Variants in PCDHGB6 observed in about 807,000 individuals in gnomAD.
PCDHGB6 encodes protocadherin gamma subfamily B, 6.
A neutral mutation model predicts 59.1 loss-of-function variants in PCDHGB6; 51 were observed. That is an observed-to-expected ratio of 0.86 (90% CI 0.69 to 1.09). PCDHGB6 has a LOEUF of 1.09. Ranked by LOEUF, PCDHGB6 falls within the 50% of genes least tolerant of loss-of-function variation. The pLI is 0.00. For synonymous variants in PCDHGB6, 466 were observed against 495.1 expected (o/e 0.94, Z 0.78); for missense variants, 1,148 against 1,205.1 (o/e 0.95, Z 0.70).
chr5:141,431,194 T>C lies in PCDHGB6; in HGVS notation c.2418+20574T>C. On this transcript the variant is annotated intron_variant, in intron 1 of 3. Coordinates refer to ENST00000520790, the MANE Select transcript of PCDHGB6 (RefSeq NM_018926.3). The surrounding 1 kb of genome is among the most constrained non-coding windows in gnomAD (Gnocchi z 4.8). ...AATTAGAAATAAAAATTAGTGAAAA[T>C]GCAGCCACTGAGATGCGGTTCCCTC... The C allele has an allele frequency of 6.2e-7, 1 of 1,614,124 alleles. No homozygotes were observed.
Position 141,408,313 on chromosome 5 carries a change from T to A in PCDHGB6, c.111T>A (p.Ile37=), listed in dbSNP as rs375849626. 1.7e-5 allele frequency: 28 copies of A among 1,613,640 alleles called. No homozygotes were observed. The highest frequency in any genetic ancestry group is 2.0e-5 in the Non-Finnish European group (24 of 1,179,736). The change falls in exon 1 of 4, where the codon ATT becomes ATA. Residue 37 remains isoleucine, a synonymous_variant. Transcript: ENST00000520790. ...TGAGTGAGCCGATCCGCTACTCGAT[T>A]CCGGAGGAGCTGGCCAAGGGCTCGG... ...PTLSEPIRYS[I]PEELAKGSVV...
At chr5:141,472,998 GAAAGAA>G (rs1489589280) in intron 1 of PCDHGB6, among the ~76,000 whole-genome samples, 8 of 134,744 alleles carry the variant, frequency 5.9e-5, no homozygotes, top group South Asian at 2.3e-4. Flanking sequence ...AAAAAAAAAA[GAAAGAA>G]AAAGAAAAAG....
rs2096205933 is a variant in PCDHGB6, at chr5:141,417,998, G to C, written c.2418+7378G>C. ...GGAGGAGCTGGCCAAGGGCTCGGTGGTGGGGAACCTCGCTAAGGATCTAGG... is the reference window on the plus strand; with the variant it reads ...GGAGGAGCTGGCCAAGGGCTCGGTGCTGGGGAACCTCGCTAAGGATCTAGG... On this transcript the variant is annotated intron_variant, in intron 1 of 3. Transcript: ENST00000520790. The C allele has an allele frequency of 1.9e-6, 3 of 1,613,928 alleles. No individual in the cohort carries two copies. The East Asian group carries it at 6.7e-5, about 36-fold the overall frequency.
intron 1 of PCDHGB6, among the ~76,000 whole-genome samples, chr5:141,451,073 C>A (rs1346074089): frequency 6.6e-6 from 1 of 151,958 alleles, no homozygotes; most frequent in Non-Finnish European, 1.5e-5. Flanking sequence ...TGTGATCCAC[C>A]CACCTTGACC....
Position 141,491,094 on chromosome 5 carries a change from G to T in PCDHGB6, c.2419-3713G>T. ...TGCCACAGTCCACAGCCCCAGGACT[G>T]TTCCTCGTGTCTACACACACTGGTG... On this transcript the variant is annotated intron_variant, in intron 1 of 3. Transcript: ENST00000520790. This position sits in a 1 kb window ranked among gnomAD's most constrained non-coding sequence, Gnocchi z 6.9. The T allele has an allele frequency of 6.2e-7, 1 of 1,614,202 alleles. No homozygotes were observed. The highest frequency in any genetic ancestry group is 1.1e-5 in the South Asian group (1 of 91,086).
At position 141,491,809 on chromosome 5, in the gene PCDHGB6, C is replaced by A. The variant is rs1421763758; in HGVS notation, c.2419-2998C>A. The A allele has an allele frequency of 6.7e-7, 1 of 1,487,044 alleles. No homozygotes were observed. The highest frequency in any genetic ancestry group is 1.4e-5 in the South Asian group (1 of 72,986). The allele number at this position is 1,487,044 out of a possible 1,614,324, so 92.1% of individuals were successfully genotyped here. On this transcript the variant is annotated intron_variant, in intron 1 of 3. Coordinates refer to ENST00000520790, the MANE Select transcript of PCDHGB6 (RefSeq NM_018926.3). This position sits in a 1 kb window ranked among gnomAD's most constrained non-coding sequence, Gnocchi z 6.9. Reference sequence around the variant, plus strand: ...TCCACTCCTCTCCGGCCGGCTTGGTCGCTGGCTGCGCTCCACCCGATTCTC... The same window carrying A: ...TCCACTCCTCTCCGGCCGGCTTGGTAGCTGGCTGCGCTCCACCCGATTCTC...
At chr5:141,466,809 C>T (rs1187657283) in intron 1 of PCDHGB6, among the ~76,000 whole-genome samples, 2 of 152,102 alleles carry the variant, frequency 1.3e-5, no homozygotes, top group African/African-American at 4.8e-5. Context: ...CCTATTCAGA[C>T]ATGGTATAAC....
chr5:141,495,918 T>C (rs2099764622), intron 2 of PCDHGB6, among the ~76,000 whole-genome samples: 1 of 152,184 alleles, frequency 6.6e-6, no homozygotes, highest in African/African-American at 2.4e-5. Flanking sequence ...ATATCTTTCT[T>C]TGTCTCTGTC....
chr5:141,449,592 A>C (rs1344646010), intron 1 of PCDHGB6, among the ~76,000 whole-genome samples: 1 of 150,266 alleles, frequency 6.7e-6, no homozygotes, highest in African/African-American at 2.4e-5. Context: ...CTGTCTCAAA[A>C]AAAAAAAAAA....
intron 3 of PCDHGB6, among the ~76,000 whole-genome samples, chr5:141,510,089 C>G (rs2099879446): frequency 6.6e-6 from 1 of 152,136 alleles, no homozygotes; most frequent in African/African-American, 2.4e-5. Flanking sequence ...GCCTGGCACA[C>G]AGTAGGTGCT....
In PCDHGB6 at chr5:141,432,770, G is replaced by A. The variant is rs930442281; in HGVS notation, c.2418+22150G>A. The A allele has an allele frequency of 6.2e-7, 1 of 1,614,128 alleles. No individual in the cohort carries two copies. On this transcript the variant is annotated intron_variant, in intron 1 of 3. Coordinates refer to ENST00000520790, the MANE Select transcript of PCDHGB6 (RefSeq NM_018926.3). This position sits in a 1 kb window ranked among gnomAD's most constrained non-coding sequence, Gnocchi z 6.0. ...GGCCGTGGCCGACAGCATCCCCCAAGTCCTGGCGGACCTCGGCAGCCTCGA... is the reference window on the plus strand; with the variant it reads ...GGCCGTGGCCGACAGCATCCCCCAAATCCTGGCGGACCTCGGCAGCCTCGA...
rs60063068 is a variant in PCDHGB6, at chr5:141,477,262, C to T, written c.2419-17545C>T. The T allele has an allele frequency of 1.9e-4, 313 of 1,614,138 alleles. No individual in the cohort carries two copies. In the African/African-American group the frequency reaches 3.7e-3, roughly 19 times the overall value. On this transcript the variant is annotated intron_variant, in intron 1 of 3. Coordinates refer to ENST00000520790, the MANE Select transcript of PCDHGB6 (RefSeq NM_018926.3). This position sits in a 1 kb window ranked among gnomAD's most constrained non-coding sequence, Gnocchi z 4.9. ...TCAGTGTGACTGACCTGGATGCTGG[C>T]GAGAACGGGCTGGTGACCTGCGAAG...
chr5:141,422,410 T>C, intron 1 of PCDHGB6: 1 of 1,601,816 alleles, frequency 6.2e-7, no homozygotes, highest in Non-Finnish European at 8.5e-7. Context: ...GCCTTTTAAA[T>C]TAGAAAAGAC....
At chr5:141,445,538 G>A (rs1188324168) in intron 1 of PCDHGB6, among the ~76,000 whole-genome samples, 1 of 152,168 alleles carries the variant, frequency 6.6e-6, no homozygotes, top group African/African-American at 2.4e-5. Flanking sequence ...AGCCAACAAG[G>A]AGAAATACAA....
intron 1 of PCDHGB6, among the ~76,000 whole-genome samples, chr5:141,446,868 C>T (rs980547855): frequency 6.6e-6 from 1 of 152,160 alleles, no homozygotes; most frequent in Non-Finnish European, 1.5e-5. Flanking sequence ...TAGCTCTACA[C>T]TGGTATGTTT....
At chr5:141,484,872 G>T in intron 1 of PCDHGB6, 1 of 319,608 alleles carries the variant, frequency 3.1e-6, no homozygotes, top group Non-Finnish European at 5.8e-6. Context: ...GGAGCGTGGA[G>T]GATAGGGTGG....
In PCDHGB6 at chr5:141,432,285, C is replaced by A; in HGVS notation, c.2418+21665C>A. On this transcript the variant is annotated intron_variant, in intron 1 of 3. Transcript: ENST00000520790. The surrounding 1 kb of genome is among the most constrained non-coding windows in gnomAD (Gnocchi z 6.0). ...CTATCGTCCTACGTGTCCATCAACTCCGACACTGGGGTACTGTATGCGCTG... is the reference window on the plus strand; with the variant it reads ...CTATCGTCCTACGTGTCCATCAACTACGACACTGGGGTACTGTATGCGCTG... The A allele has an allele frequency of 6.2e-7, 1 of 1,614,262 alleles. No homozygotes were observed. The highest frequency in any genetic ancestry group is 8.5e-7 in the Non-Finnish European group (1 of 1,180,052).
chr5:141,500,184 T>TTTTTTTTATTTA (rs1554186429), intron 2 of PCDHGB6, among the ~76,000 whole-genome samples: 16 of 135,886 alleles, frequency 1.2e-4, no homozygotes, highest in African/African-American at 4.3e-4. Context: ...TCATTTTTAT[T>TTTTTTTTATTTA]TTTATTTATT....
intron 1 of PCDHGB6, among the ~76,000 whole-genome samples, chr5:141,460,221 C>T (rs931609262): frequency 3.4e-4 from 51 of 151,918 alleles, no homozygotes; most frequent in African/African-American, 1.2e-3. Flanking sequence ...TTAGTTGTGT[C>T]TTTTGAAGAG....
Sources: allele counts gnomAD v4.1 joint callset (sites outside exome capture counted in the v4.1 genomes callset), GRCh38; gene constraint gnomAD v4.1.1; non-coding constraint Gnocchi (gnomAD v3.1); transcripts MANE v1.5; gene names NCBI Gene and HGNC (gene_info 2026-07-23, HGNC 2026-07-21).